Variants in ARFIP1 observed in about 807,000 individuals in gnomAD.
ARFIP1 encodes the protein arfaptin-1.
ARFIP1 carries 24 observed loss-of-function variants against 42.5 expected under a neutral mutation model. The observed-to-expected ratio is 0.57, with a 90% confidence interval of 0.41 to 0.80. ARFIP1 has a LOEUF of 0.80. Among genes scored for constraint, ARFIP1 ranks in the 30% least tolerant of loss-of-function variants. The probability of loss-of-function intolerance (pLI) is 0.00; values close to 1 mark genes in which losing one functional copy is unlikely to be tolerated. For synonymous variants in ARFIP1, 141 were observed against 153.7 expected (o/e 0.92, Z 0.61); for missense variants, 354 against 434.0 (o/e 0.82, Z 1.64).
At chr4:152,816,950 T>C (rs1561118802) in intron 1 of ARFIP1, among the ~76,000 whole-genome samples, 1 of 152,252 alleles carries the variant, frequency 6.6e-6, no homozygotes, top group Non-Finnish European at 1.5e-5. Context: ...TTTTTCATCT[T>C]ATTGCTCACA....
chr4:152,896,876 T>A (rs182921399), intron 8 of ARFIP1, among the ~76,000 whole-genome samples: 2 of 152,302 alleles, frequency 1.3e-5, no homozygotes, highest in Admixed American at 1.3e-4. Flanking sequence ...AGCTCAAAAT[T>A]AGATGATTAA....
chr4:152,843,129 T>C (rs1220298506), intron 2 of ARFIP1, among the ~76,000 whole-genome samples: 2 of 152,164 alleles, frequency 1.3e-5, no homozygotes, highest in South Asian at 2.1e-4. Flanking sequence ...TGTAGTAGTC[T>C]CCCCATTTTC....
intron 8 of ARFIP1, among the ~76,000 whole-genome samples, chr4:152,899,980 C>G (rs1162275918): frequency 6.6e-6 from 1 of 152,140 alleles, no homozygotes; most frequent in East Asian, 1.9e-4. Context: ...CACAGCCCTG[C>G]TTTTAGTTAA....
chr4:152,820,519 A>G (rs568820520), intron 1 of ARFIP1, among the ~76,000 whole-genome samples: 1 of 152,230 alleles, frequency 6.6e-6, no homozygotes. Context: ...CAGCCTGTTC[A>G]GGAAGCATGG....
chr4:152,906,918 A>G (rs1408397005), intron 8 of ARFIP1, among the ~76,000 whole-genome samples: 1 of 152,194 alleles, frequency 6.6e-6, no homozygotes, highest in Non-Finnish European at 1.5e-5. Flanking sequence ...CAGATAACTT[A>G]AAAGTTTATT....
chr4:152,888,143 G>A lies in ARFIP1; in HGVS notation c.802G>A (p.Asp268Asn). Residue 268 changes from aspartate (D) to asparagine (N), a missense_variant, in exon 8 of 9, where the codon GAT becomes AAT. Transcript: ENST00000353617. The stretch of plus-strand genomic sequence containing the variant: ...CTCTCTTCTTTCCAGGATTGAATAT[G>A]ATGCATATCGCACTGATTTGGAAGA... ...KQYESARIEY[D>N]AYRTDLEELN... 1.9e-6 allele frequency: 3 copies of A among 1,601,932 alleles called. No homozygotes were observed. The highest frequency in any genetic ancestry group is 2.3e-5 in the South Asian group (2 of 88,404).
At chr4:152,828,418 A>G (rs1029070478) in intron 1 of ARFIP1, among the ~76,000 whole-genome samples, 1 of 152,168 alleles carries the variant, frequency 6.6e-6, no homozygotes, top group Admixed American at 6.5e-5. Flanking sequence ...TAATTTTGTT[A>G]TAGTATCTCA....
chr4:152,781,313 G>C (rs1037035030), intron 1 of ARFIP1, among the ~76,000 whole-genome samples: 1 of 136,188 alleles, frequency 7.3e-6, no homozygotes, highest in Admixed American at 8.6e-5. Flanking sequence ...TCGGCTCACC[G>C]CAACGTCCAC....
chr4:152,882,247 A>G (rs1735900842), intron 6 of ARFIP1, among the ~76,000 whole-genome samples: 1 of 152,282 alleles, frequency 6.6e-6, no homozygotes, highest in African/African-American at 2.4e-5. Flanking sequence ...CAAGTTTACA[A>G]AGAAATATGT....
At chr4:152,873,899 A>C (rs903276929) in intron 5 of ARFIP1, among the ~76,000 whole-genome samples, 1 of 152,068 alleles carries the variant, frequency 6.6e-6, no homozygotes. Flanking sequence ...TTTTCTATCT[A>C]TGGATCAAGT....
At chr4:152,853,743 T>C (rs1334929157) in intron 2 of ARFIP1, among the ~76,000 whole-genome samples, 2 of 152,152 alleles carry the variant, frequency 1.3e-5, no homozygotes, top group East Asian at 3.8e-4. Context: ...AAATAGGTTT[T>C]CTAACACTTT....
At chr4:152,900,752 TA>T (rs1268986240) in intron 8 of ARFIP1, among the ~76,000 whole-genome samples, 27 of 152,352 alleles carry the variant, frequency 1.8e-4, no homozygotes, top group Admixed American at 3.3e-4. Flanking sequence ...TAGAATGGTA[TA>T]TTTTTTAATA....
intron 1 of ARFIP1, chr4:152,807,303 AAGTCATAT>A (rs1156997263): frequency 2.0e-5 from 3 of 152,022 alleles, no homozygotes; most frequent in African/African-American, 7.2e-5. Context: ...TAGAATGGCT[AAGTCATAT>A]AGTCAAGTAT....
At chr4:152,905,542 A>ATTTTTT (rs1391678382) in intron 8 of ARFIP1, among the ~76,000 whole-genome samples, 1 of 45,956 alleles carries the variant, frequency 2.2e-5, no homozygotes, top group African/African-American at 8.8e-5. Context: ...AATTGTAAGA[A>ATTTTTT]TTGTTTTTTT....
At chr4:152,905,425 T>C in intron 8 of ARFIP1, among the ~76,000 whole-genome samples, 1 of 152,106 alleles carries the variant, frequency 6.6e-6, no homozygotes. Flanking sequence ...TCCTAATAAC[T>C]AAAGATGTTG....
intron 2 of ARFIP1, among the ~76,000 whole-genome samples, chr4:152,855,059 G>A (rs1160712782): frequency 6.6e-6 from 1 of 152,206 alleles, no homozygotes; most frequent in Admixed American, 6.5e-5. Context: ...GACCCTTTGG[G>A]TCCTGAGTAG....
At chr4:152,884,624 A>G (rs1736120435) in intron 7 of ARFIP1, among the ~76,000 whole-genome samples, 1 of 151,954 alleles carries the variant, frequency 6.6e-6, no homozygotes, top group Admixed American at 6.6e-5. Flanking sequence ...ATCCTGAAAT[A>G]TATTTTCGTT....
At chr4:152,866,449 G>A (rs1734350981) in intron 3 of ARFIP1, among the ~76,000 whole-genome samples, 1 of 151,714 alleles carries the variant, frequency 6.6e-6, no homozygotes. Flanking sequence ...GGGCGGCCGG[G>A]CAGAGGCGCC....
At chr4:152,888,715 AG>A (rs1736475140) in intron 8 of ARFIP1, among the ~76,000 whole-genome samples, 1 of 152,186 alleles carries the variant, frequency 6.6e-6, no homozygotes, top group African/African-American at 2.4e-5. Context: ...AATAGCTAAA[AG>A]GTCCAGCTTA....
Sources: gnomAD v4.1 joint callset for allele counts (sites outside exome capture counted in the v4.1 genomes callset) on GRCh38, gnomAD v4.1.1 for gene constraint, MANE v1.5 for transcripts, NCBI Gene and HGNC (gene_info 2026-07-23, HGNC 2026-07-21) for gene names.